The following TESK2 variants were observed in gnomAD, a reference collection of about 807,000 sequenced individuals.
TESK2 encodes the protein testis associated actin remodelling kinase 2.
A neutral mutation model predicts 57.1 loss-of-function variants in TESK2; 39 were observed. The ratio of observed to expected loss-of-function variants is 0.68; its 90% CI spans 0.53 to 0.89. The LOEUF (loss-of-function observed/expected upper bound fraction) is 0.89. TESK2 is among the 40% of genes least tolerant of loss of function. The pLI is 0.00. For synonymous variants in TESK2, 249 were observed against 267.9 expected (o/e 0.93, Z 0.69); for missense variants, 646 against 732.1 (o/e 0.88, Z 1.36).
intron 1 of TESK2, among the ~76,000 whole-genome samples, chr1:45,490,268 G>C (rs1355941739): frequency 1.3e-5 from 2 of 152,176 alleles, no homozygotes; most frequent in African/African-American, 4.8e-5. Flanking sequence ...CGCAAACCTG[G>C]ATTTCGCTTG....
intron 2 of TESK2, among the ~76,000 whole-genome samples, chr1:45,432,676 G>C (rs1165284329): frequency 1.4e-5 from 2 of 144,966 alleles, no homozygotes; most frequent in Non-Finnish European, 3.0e-5. Flanking sequence ...GGGCAAAAGA[G>C]CCAGACTCCG....
intron 9 of TESK2, 53 bp downstream of exon 9, chr1:45,346,640 T>C (rs1166666623): frequency 6.7e-7 from 1 of 1,494,738 alleles, no homozygotes; most frequent in Non-Finnish European, 9.2e-7. Context: ...CCTAACCAGG[T>C]GAAAAGGGTT....
chr1:45,421,521 G>GATAA (rs1650475863), intron 3 of TESK2, among the ~76,000 whole-genome samples: 1 of 152,144 alleles, frequency 6.6e-6, no homozygotes, highest in Non-Finnish European at 1.5e-5. Context: ...AAGAGATAAA[G>GATAA]GAAGTTGCTT....
intron 1 of TESK2, among the ~76,000 whole-genome samples, chr1:45,485,633 C>T (rs1653444906): frequency 6.6e-6 from 1 of 151,704 alleles, no homozygotes; most frequent in African/African-American, 2.4e-5. Context: ...ATTCTCCTGC[C>T]TCAGCCTCCC....
At chr1:45,467,367 T>C (rs1652595416) in intron 1 of TESK2, among the ~76,000 whole-genome samples, 2 of 152,084 alleles carry the variant, frequency 1.3e-5, no homozygotes, top group Admixed American at 6.6e-5. Flanking sequence ...TTTTTTAAGA[T>C]GCAGTCTCGC....
In TESK2 at chr1:45,396,781, G is replaced by A. The variant is rs1461015131; in HGVS notation, c.345-10821C>T. Reference sequence around the variant, plus strand: ...TGGGATTACAGGCATGAGCCACCACGCCCGGCCTGGTATCAGCTAAGTTGT... The same window carrying A: ...TGGGATTACAGGCATGAGCCACCACACCCGGCCTGGTATCAGCTAAGTTGT... On this transcript the variant is annotated intron_variant, in intron 3 of 10. Coordinates refer to ENST00000372086, the MANE Select transcript of TESK2 (RefSeq NM_007170.3). 5.1e-4 allele frequency among the ~76,000 whole-genome samples: 70 copies of A among 138,210 alleles called. 1 individual carries two copies. Among genetic ancestry groups the A allele is most frequent in the African/African-American group, 1.5e-3 (54 of 36,582 alleles). 90.7% of individuals were successfully genotyped at this position (138,210 alleles called of 152,430 possible).
intron 1 of TESK2, among the ~76,000 whole-genome samples, chr1:45,475,269 C>T (rs1168415952): frequency 2.1e-5 from 3 of 141,942 alleles, no homozygotes; most frequent in African/African-American, 8.0e-5. Context: ...TGCAGTGACG[C>T]GATCTTGGTT....
At chr1:45,435,125 G>C (rs1651144552) in intron 2 of TESK2, among the ~76,000 whole-genome samples, 1 of 150,834 alleles carries the variant, frequency 6.6e-6, no homozygotes, top group South Asian at 2.1e-4. Context: ...CACCATGGCT[G>C]GCTAATTTTT....
chr1:45,354,827 T>A (rs1360095333), intron 5 of TESK2, among the ~76,000 whole-genome samples: 21 of 61,534 alleles, frequency 3.4e-4, no homozygotes, highest in African/African-American at 4.8e-4. Context: ...TATATATATA[T>A]ATATATATAT....
At chr1:45,425,874 G>A (rs1365275026) in intron 2 of TESK2, among the ~76,000 whole-genome samples, 1 of 152,106 alleles carries the variant, frequency 6.6e-6, no homozygotes, top group Non-Finnish European at 1.5e-5. Flanking sequence ...GCCGGGTGCA[G>A]TAGCTTATGC....
chr1:45,464,361 T>G (rs1244119826), intron 1 of TESK2, among the ~76,000 whole-genome samples: 3 of 151,510 alleles, frequency 2.0e-5, no homozygotes, highest in Non-Finnish European at 4.4e-5. Flanking sequence ...GAGGCAGAGG[T>G]TGCGATGAGC....
chr1:45,405,133 G>A (rs1649781718), intron 3 of TESK2, among the ~76,000 whole-genome samples: 1 of 151,992 alleles, frequency 6.6e-6, no homozygotes, highest in Non-Finnish European at 1.5e-5. Flanking sequence ...TACTTCACAG[G>A]TAAGAAAACT....
chr1:45,475,267 C>A (rs540308350), intron 1 of TESK2, among the ~76,000 whole-genome samples: 1 of 137,186 alleles, frequency 7.3e-6, no homozygotes, highest in Non-Finnish European at 1.5e-5. Flanking sequence ...AGTGCAGTGA[C>A]GCGATCTTGG....
intron 1 of TESK2, among the ~76,000 whole-genome samples, chr1:45,489,841 A>C (rs775084487): frequency 5.9e-5 from 9 of 152,096 alleles, no homozygotes; most frequent in Non-Finnish European, 1.3e-4. Context: ...TTCAAAACCA[A>C]ATTTATTACC....
chr1:45,471,244 G>A (rs537340306), intron 1 of TESK2, among the ~76,000 whole-genome samples: 8 of 151,938 alleles, frequency 5.3e-5, no homozygotes, highest in South Asian at 4.2e-4. Flanking sequence ...AAAAAGAAGC[G>A]GAGGAGCCAG....
chr1:45,378,821 C>T (rs138986994), intron 4 of TESK2, among the ~76,000 whole-genome samples: 1 of 152,346 alleles, frequency 6.6e-6, no homozygotes, highest in East Asian at 1.9e-4. Flanking sequence ...TGAATCTCTA[C>T]CTTCCCGTGT....
chr1:45,447,840 A>G (rs2149296227), intron 2 of TESK2, among the ~76,000 whole-genome samples: 1 of 152,202 alleles, frequency 6.6e-6, no homozygotes, highest in African/African-American at 2.4e-5. Context: ...TTCCATCTCT[A>G]TTATAACCTT....
At chr1:45,383,494 A>T (rs1321772461) in intron 4 of TESK2, among the ~76,000 whole-genome samples, 1 of 152,236 alleles carries the variant, frequency 6.6e-6, no homozygotes, top group Non-Finnish European at 1.5e-5. Context: ...TACACATTGT[A>T]TGTTTTATAT....
At chr1:45,397,555 A>T (rs146032005) in intron 3 of TESK2, among the ~76,000 whole-genome samples, 1 of 152,260 alleles carries the variant, frequency 6.6e-6, no homozygotes, top group East Asian at 1.9e-4. Flanking sequence ...TTTATCTCCT[A>T]TTACATCCAC....
Sources: gnomAD v4.1 joint callset for allele counts (sites outside exome capture counted in the v4.1 genomes callset) on GRCh38, gnomAD v4.1.1 for gene constraint, MANE v1.5 for transcripts, NCBI Gene and HGNC (gene_info 2026-07-23, HGNC 2026-07-21) for gene names.